Variants in DIAPH3 observed in about 807,000 individuals in gnomAD.
DIAPH3 encodes protein diaphanous homolog 3.
In DIAPH3, 117 loss-of-function variants were observed where a neutral mutation model predicts 144.3. The observed-to-expected ratio is 0.81, with a 90% CI of 0.70 to 0.95. The LOEUF (loss-of-function observed/expected upper bound fraction) is 0.95. Among genes scored for constraint, DIAPH3 ranks in the 40% least tolerant of loss-of-function variants. The probability of loss-of-function intolerance (pLI) is 0.00; values close to 1 mark genes in which losing one functional copy is unlikely to be tolerated. For missense variants in DIAPH3, 1,421 were observed against 1,412.7 expected (o/e 1.01, Z -0.09); for synonymous variants, 519 against 488.9 (o/e 1.06, Z -0.81).
chr13:60,036,891 G>A (rs141507998), intron 5 of DIAPH3, among the ~76,000 whole-genome samples: 1 of 152,026 alleles, frequency 6.6e-6, no homozygotes, highest in African/African-American at 2.4e-5. Flanking sequence ...CAAAATTAGA[G>A]GGGAAAAGGC....
intron 5 of DIAPH3, among the ~76,000 whole-genome samples, chr13:60,033,502 T>C (rs568638401): frequency 1.7e-3 from 260 of 152,230 alleles, no homozygotes; most frequent in African/African-American, 5.8e-3. Context: ...TTAGGAAGCT[T>C]GGTGGAAGGT....
intron 27 of DIAPH3, 73 bp downstream of exon 27, chr13:59,774,116 T>C: frequency 7.1e-7 from 1 of 1,415,618 alleles, no homozygotes; most frequent in Non-Finnish European, 9.9e-7. Context: ...TTCACAGCAG[T>C]CTACTAAAAT....
intron 27 of DIAPH3, among the ~76,000 whole-genome samples, chr13:59,726,276 A>G (rs1297012449): frequency 6.6e-6 from 1 of 152,130 alleles, no homozygotes; most frequent in East Asian, 1.9e-4. Context: ...GTCATCTTTT[A>G]TATGTAACTC....
chr13:59,878,013 T>G (rs2044743156), intron 21 of DIAPH3, among the ~76,000 whole-genome samples: 1 of 152,178 alleles, frequency 6.6e-6, no homozygotes. Flanking sequence ...TTTTAGTATG[T>G]GGCTTCATTA....
chr13:59,757,567 A>AT (rs1851725606), intron 27 of DIAPH3, among the ~76,000 whole-genome samples: 1 of 151,600 alleles, frequency 6.6e-6, no homozygotes, highest in Non-Finnish European at 1.5e-5. Flanking sequence ...CGCCCGGCTA[A>AT]TTTTTTGTAT....
Position 60,010,604 on chromosome 13 carries a change from G to C in DIAPH3, c.837C>G (p.Pro279=), listed in dbSNP as rs1424996028. The C allele has an allele frequency of 6.2e-7, 1 of 1,613,674 alleles. No homozygotes were observed. The highest frequency in any genetic ancestry group is 1.7e-5 in the Admixed American group (1 of 60,012). ...CATCTGTCATCATATTGGGGTGTCT[G>C]GGATCCACGGCTTTGGCCAATAAGG... ...SLSLLAKAVD[P]RHPNMMTDVV... is the part of the protein sequence containing the mutation. Residue 279 remains proline (P), a synonymous_variant, in exon 8 of 28, where the codon CCC becomes CCG. Transcript: ENST00000400324.
At chr13:59,900,206 G>A (rs117486565) in intron 20 of DIAPH3, among the ~76,000 whole-genome samples, 2 of 152,080 alleles carry the variant, frequency 1.3e-5, no homozygotes, top group Non-Finnish European at 2.9e-5. Flanking sequence ...TTTTATAAAG[G>A]AATATGCCTG....
At chr13:59,934,528 G>A (rs1028981527) in intron 17 of DIAPH3, among the ~76,000 whole-genome samples, 4 of 151,998 alleles carry the variant, frequency 2.6e-5, no homozygotes, top group Admixed American at 2.6e-4. Flanking sequence ...TCTTCAAATG[G>A]GGAGATATCT....
chr13:59,983,360 T>C (rs1051600992), intron 13 of DIAPH3, among the ~76,000 whole-genome samples: 14 of 151,606 alleles, frequency 9.2e-5, no homozygotes, highest in African/African-American at 3.4e-4. Flanking sequence ...GTACTGTATG[T>C]ATAAATCCCA....
intron 22 of DIAPH3, among the ~76,000 whole-genome samples, chr13:59,843,341 A>C (rs2042445511): frequency 6.6e-6 from 1 of 152,196 alleles, no homozygotes; most frequent in African/African-American, 2.4e-5. Context: ...GGCTGCCCTC[A>C]GAGGAAGCCA....
intron 3 of DIAPH3, among the ~76,000 whole-genome samples, chr13:60,106,414 A>G (rs960580956): frequency 6.6e-6 from 1 of 152,202 alleles, no homozygotes; most frequent in African/African-American, 2.4e-5. Context: ...ATAGAGATAT[A>G]TATTTCTAAT....
intron 20 of DIAPH3, among the ~76,000 whole-genome samples, chr13:59,896,202 C>T (rs74394119): frequency 1.9e-3 from 289 of 152,230 alleles, no homozygotes; most frequent in African/African-American, 6.4e-3. Flanking sequence ...GTTCTTATAA[C>T]CCTGAGGAGC....
chr13:60,125,078 T>C (rs1214722417), intron 2 of DIAPH3, among the ~76,000 whole-genome samples: 2 of 152,184 alleles, frequency 1.3e-5, no homozygotes, highest in Non-Finnish European at 2.9e-5. Flanking sequence ...ACTCAGAGGT[T>C]TGGTGTTACA....
intron 17 of DIAPH3, among the ~76,000 whole-genome samples, chr13:59,935,897 T>C (rs1395964689): frequency 6.6e-6 from 1 of 152,186 alleles, no homozygotes; most frequent in Non-Finnish European, 1.5e-5. Context: ...GCTGAAGCCC[T>C]AAATAAAATT....
intron 27 of DIAPH3, among the ~76,000 whole-genome samples, chr13:59,762,353 C>A (rs1351677708): frequency 6.6e-6 from 1 of 152,104 alleles, no homozygotes; most frequent in East Asian, 1.9e-4. Context: ...AGCCACCGCG[C>A]CCGGCTGCTT....
chr13:59,827,889 G>A (rs980361286), intron 24 of DIAPH3, among the ~76,000 whole-genome samples: 3 of 152,002 alleles, frequency 2.0e-5, no homozygotes, highest in Admixed American at 6.6e-5. Context: ...AGATTAAGGA[G>A]GATGAGGTTG....
At chr13:60,083,241 G>A (rs1474352672) in intron 4 of DIAPH3, among the ~76,000 whole-genome samples, 1 of 152,002 alleles carries the variant, frequency 6.6e-6, no homozygotes, top group African/African-American at 2.4e-5. Context: ...AAAAATGATT[G>A]ATCATCTTCA....
Position 59,916,135 on chromosome 13 carries a change from A to C in DIAPH3, c.2265+20T>G. On this transcript the variant is annotated intron_variant, in intron 19 of 27. Transcript: ENST00000400324. Reference sequence around the variant, plus strand: ...GCTTGCAATGAAATATTGAAATTTAAGCTGTGCCTGTTTGTTTACCTGAAT... The same window carrying C: ...GCTTGCAATGAAATATTGAAATTTACGCTGTGCCTGTTTGTTTACCTGAAT... 1 of 1,591,142 alleles carries C rather than the reference A, an allele frequency of 6.3e-7. No homozygotes were observed. The highest frequency in any genetic ancestry group is 8.6e-7 in the Non-Finnish European group (1 of 1,159,508).
intron 4 of DIAPH3, among the ~76,000 whole-genome samples, chr13:60,047,548 C>G (rs1014718389): frequency 2.6e-5 from 4 of 152,000 alleles, no homozygotes; most frequent in African/African-American, 9.7e-5. Flanking sequence ...CGAAAGTTGT[C>G]AATATGATTC....
Sources: allele counts gnomAD v4.1 joint callset (sites outside exome capture counted in the v4.1 genomes callset), GRCh38; gene constraint gnomAD v4.1.1; transcripts MANE v1.5; gene names NCBI Gene and HGNC (gene_info 2026-07-23, HGNC 2026-07-21).